ZNF385D: variants seen among roughly 807,000 people sequenced by gnomAD.
ZNF385D encodes the protein zinc finger protein 659.
In ZNF385D, 15 loss-of-function variants were observed where a neutral mutation model predicts 35.8. That is an observed-to-expected ratio of 0.42 (90% CI 0.28 to 0.64). The LOEUF is 0.64. Ranked by LOEUF, ZNF385D falls within the 30% of genes least tolerant of loss-of-function variation. The pLI, the probability that ZNF385D is intolerant of heterozygous loss-of-function variation, is 0.23. For missense variants in ZNF385D, 474 were observed against 494.6 expected (o/e 0.96, Z 0.39); for synonymous variants, 212 against 186.8 (o/e 1.13, Z -1.10).
At chr3:22,290,538 T>C (rs1702248009) in intron 2 of ZNF385D, among the ~76,000 whole-genome samples, 1 of 152,170 alleles carries the variant, frequency 6.6e-6, no homozygotes, top group Non-Finnish European at 1.5e-5. Context: ...TTGGCACTCA[T>C]TCCCGGATGC....
chr3:21,899,217 C>G (rs1342369931), intron 3 of ZNF385D, among the ~76,000 whole-genome samples: 1 of 151,932 alleles, frequency 6.6e-6, no homozygotes, highest in Non-Finnish European at 1.5e-5. Flanking sequence ...TGCCCTATGA[C>G]AAAAAATTAT....
intron 1 of ZNF385D, among the ~76,000 whole-genome samples, chr3:21,679,261 T>A (rs985016924): frequency 2.0e-5 from 3 of 152,132 alleles, no homozygotes; most frequent in Admixed American, 1.3e-4. Flanking sequence ...TAGTAACTAT[T>A]CTTAATGTCT....
At chr3:22,188,974 G>A (rs1323491474) in intron 2 of ZNF385D, among the ~76,000 whole-genome samples, 3 of 152,036 alleles carry the variant, frequency 2.0e-5, no homozygotes, top group Non-Finnish European at 1.5e-5. Context: ...GAGAATATAC[G>A]CTGATTTAGA....
intron 4 of ZNF385D, among the ~76,000 whole-genome samples, chr3:21,492,588 G>T (rs1705514196): frequency 6.6e-6 from 1 of 151,344 alleles, no homozygotes; most frequent in Non-Finnish European, 1.5e-5. Flanking sequence ...TTCGAGACTA[G>T]CCTGACCAAT....
rs143307640 is a variant in ZNF385D at position 21,568,848 on chromosome 3, G to A, written c.166-4164C>T. Among the ~76,000 whole-genome samples the A allele has an allele frequency of 2.0e-5, 3 of 152,176 alleles. No homozygotes were observed. The East Asian group carries it at 5.8e-4, about 29-fold the overall frequency. On this transcript the variant is annotated intron_variant, in intron 2 of 7. Coordinates refer to ENST00000281523, the MANE Select transcript of ZNF385D (RefSeq NM_024697.3). Reference sequence around the variant, plus strand: ...TTCAATACATTAGTAGACACCAAACGAAGAATGTAATACATAGAAACTTCA... The same window carrying A: ...TTCAATACATTAGTAGACACCAAACAAAGAATGTAATACATAGAAACTTCA...
intron 5 of ZNF385D, among the ~76,000 whole-genome samples, chr3:21,426,420 T>C (rs1470555223): frequency 1.3e-5 from 2 of 152,218 alleles, no homozygotes; most frequent in Non-Finnish European, 2.9e-5. Flanking sequence ...GCAACTCTGA[T>C]TGTCAACCGT....
At chr3:21,650,538 G>T (rs12636280) in intron 2 of ZNF385D, among the ~76,000 whole-genome samples, 18,838 of 151,958 alleles carry the variant, frequency 0.12, 1,248 homozygotes, top group Admixed American at 0.15. Flanking sequence ...TTTAAAGAAA[G>T]AAATTTTAAA....
At chr3:22,061,933 C>T (rs1488426739) in intron 3 of ZNF385D, among the ~76,000 whole-genome samples, 1 of 152,212 alleles carries the variant, frequency 6.6e-6, no homozygotes, top group Admixed American at 6.5e-5. Flanking sequence ...GCTTCATCCC[C>T]AGCACCTAAA....
intron 3 of ZNF385D, among the ~76,000 whole-genome samples, chr3:22,032,977 C>T (rs117236497): frequency 0.016 from 2,428 of 152,174 alleles, 45 homozygotes; most frequent in Non-Finnish European, 0.021. Flanking sequence ...TGCATCATTC[C>T]GTTATAAAAC....
intron 3 of ZNF385D, among the ~76,000 whole-genome samples, chr3:22,128,070 G>C (rs764091469): frequency 6.6e-6 from 1 of 152,172 alleles, no homozygotes; most frequent in Non-Finnish European, 1.5e-5. Flanking sequence ...GTTATGTACA[G>C]TGTTGATAAA....
intron 3 of ZNF385D, among the ~76,000 whole-genome samples, chr3:21,962,760 A>G (rs1369300696): frequency 2.6e-5 from 4 of 152,158 alleles, no homozygotes; most frequent in Admixed American, 6.5e-5. Flanking sequence ...TTCGTTGCCT[A>G]GCATACATTC....
At chr3:21,832,475 G>A (rs1340465128) in intron 3 of ZNF385D, among the ~76,000 whole-genome samples, 2 of 152,156 alleles carry the variant, frequency 1.3e-5, no homozygotes, top group Admixed American at 1.3e-4. Flanking sequence ...CATTCTCATG[G>A]ATCAGCAAAG....
At chr3:21,686,394 G>T (rs2067105058) in intron 1 of ZNF385D, among the ~76,000 whole-genome samples, 1 of 152,118 alleles carries the variant, frequency 6.6e-6, no homozygotes, top group African/African-American at 2.4e-5. Flanking sequence ...ATTTGTAGTT[G>T]CTGTGAGAAA....
At chr3:22,152,845 C>G (rs10513639) in intron 3 of ZNF385D, among the ~76,000 whole-genome samples, 7,988 of 152,146 alleles carry the variant, frequency 0.053, 674 homozygotes, top group African/African-American at 0.18. Context: ...ACCACAATAT[C>G]CTTCTACTTA....
chr3:21,678,242 T>C (rs972670730), intron 1 of ZNF385D, among the ~76,000 whole-genome samples: 4 of 152,104 alleles, frequency 2.6e-5, no homozygotes, highest in African/African-American at 9.7e-5. Flanking sequence ...GAAAGGCATC[T>C]GATTTGTCTG....
intron 2 of ZNF385D, among the ~76,000 whole-genome samples, chr3:22,264,952 G>C (rs532440278): frequency 1.3e-5 from 2 of 152,008 alleles, no homozygotes; most frequent in South Asian, 2.1e-4. Context: ...AGCCTCAGAA[G>C]TTCCTCTTGC....
At chr3:21,918,400 T>A (rs1431062633) in intron 3 of ZNF385D, among the ~76,000 whole-genome samples, 1 of 152,196 alleles carries the variant, frequency 6.6e-6, no homozygotes, top group Non-Finnish European at 1.5e-5. Flanking sequence ...GGATTTTCTA[T>A]CTGAAAATAG....
At position 22,195,125 on chromosome 3, in the gene ZNF385D, G is replaced by A. The variant is rs144288033; in HGVS notation, c.107-26090C>T. 1.4e-4 allele frequency among the ~76,000 whole-genome samples: 22 copies of A among 151,880 alleles called. No individual in the cohort carries two copies. In the East Asian group the frequency reaches 4.3e-3, roughly 29 times the overall value. On this transcript the variant is annotated intron_variant, in intron 2 of 5. Transcript: ENST00000494108. ...TTCCAATTGCTCCCCATTGTCATTA[G>A]CAGTTTGTATCATAAGTACTTTTTA... is the stretch of plus-strand genomic sequence containing the variant.
In ZNF385D at chr3:21,646,898, A is replaced by C. The variant is rs2065767930; in HGVS notation, c.165+17988T>G. Among the ~76,000 whole-genome samples, 1 of 152,176 alleles carries C rather than the reference A, an allele frequency of 6.6e-6. No homozygotes were observed. The highest frequency in any genetic ancestry group is 2.4e-5 in the African/African-American group (1 of 41,448). On this transcript the variant is annotated intron_variant, in intron 2 of 7. Coordinates refer to ENST00000281523, the MANE Select transcript of ZNF385D (RefSeq NM_024697.3). This position sits in a 1 kb window ranked among gnomAD's most constrained non-coding sequence, Gnocchi z 4.3. ...TCTGATGCTAAGGCTCAATGAAATCAAGGCCAGACAGAATTGAGGACCAGT... is the reference window on the plus strand; with the variant it reads ...TCTGATGCTAAGGCTCAATGAAATCCAGGCCAGACAGAATTGAGGACCAGT...
Sources: gnomAD v4.1 joint callset for allele counts (sites outside exome capture counted in the v4.1 genomes callset) on GRCh38, gnomAD v4.1.1 for gene constraint, Gnocchi (gnomAD v3.1) non-coding constraint, MANE v1.5 for transcripts, NCBI Gene and HGNC (gene_info 2026-07-23, HGNC 2026-07-21) for gene names.